TPD52: variants seen among roughly 807,000 people sequenced by gnomAD.
The protein encoded by TPD52 is tumor protein D52.
Under a neutral mutation model 31.3 loss-of-function variants are expected in TPD52, and 17 were observed. The ratio of observed to expected loss-of-function variants is 0.54; its 90% confidence interval spans 0.37 to 0.82. The LOEUF (loss-of-function observed/expected upper bound fraction) is 0.82, where lower values mean the gene tolerates loss of function less well. TPD52 is among the 40% of genes least tolerant of loss of function. The pLI is 0.00. For synonymous variants in TPD52, 83 were observed against 89.6 expected (o/e 0.93, Z 0.42); for missense variants, 212 against 240.1 (o/e 0.88, Z 0.77).
intron 1 of TPD52, among the ~76,000 whole-genome samples, chr8:80,094,734 T>C (rs1338757333): frequency 2.0e-5 from 3 of 150,848 alleles, no homozygotes; most frequent in Non-Finnish European, 2.9e-5. Flanking sequence ...ACAAATTATA[T>C]CTTATATACA....
chr8:80,138,961 T>G (rs575580060), intron 1 of TPD52, among the ~76,000 whole-genome samples: 2 of 152,132 alleles, frequency 1.3e-5, no homozygotes, highest in Non-Finnish European at 2.9e-5. Context: ...ACCCAGAGCC[T>G]CTCCTGCTAG....
At chr8:80,103,196 G>A (rs1399676078) in intron 1 of TPD52, among the ~76,000 whole-genome samples, 1 of 152,094 alleles carries the variant, frequency 6.6e-6, no homozygotes, top group South Asian at 2.1e-4. Flanking sequence ...TACAGGCAAT[G>A]TTAAAAAAAA....
At position 80,115,468 on chromosome 8, in the gene TPD52, T is replaced by G. The variant is rs537336036; in HGVS notation, c.20-50875A>C. 1.2e-4 allele frequency among the ~76,000 whole-genome samples: 18 copies of G among 151,412 alleles called. No individual in the cohort carries two copies. In the South Asian group the frequency reaches 3.8e-3, roughly 32 times the overall value. On this transcript the variant is annotated intron_variant, in intron 1 of 7. Coordinates refer to ENST00000518937, the MANE Select transcript of TPD52 (RefSeq NM_001025253.3). ...TTCAATAAACAAGAAAGATCAAGAG[T>G]CATACAAGCGGCGGAAAAGGCAGCA...
chr8:80,053,250 C>A (rs763654367), intron 3 of TPD52, 32 bp downstream of exon 3: 3 of 1,608,672 alleles, frequency 1.9e-6, no homozygotes, highest in Admixed American at 3.3e-5. Context: ...CCTTTACACT[C>A]CCAAGGAAAG....
In TPD52 at chr8:80,049,755, A is replaced by C. The variant is rs1811182516; in HGVS notation, c.413+690T>G. 2.0e-5 allele frequency among the ~76,000 whole-genome samples: 3 copies of C among 152,168 alleles called. No homozygotes were observed. The South Asian group carries it at 6.2e-4, about 32-fold the overall frequency. On this transcript the variant is annotated intron_variant, in intron 5 of 7. Transcript: ENST00000518937. ...CAACATCACAAAGTCTCTTTCTATA[A>C]GGCATGGTTTGAGCTAACATCTTTT...
chr8:80,147,825 TACAC>T (rs950674897), intron 1 of TPD52, among the ~76,000 whole-genome samples: 1 of 150,220 alleles, frequency 6.7e-6, no homozygotes, highest in East Asian at 1.9e-4. Context: ...CACACATACA[TACAC>T]ACACACACGC....
intron 1 of TPD52, among the ~76,000 whole-genome samples, chr8:80,089,760 C>T (rs1275518635): frequency 1.3e-5 from 2 of 152,198 alleles, no homozygotes; most frequent in Non-Finnish European, 2.9e-5. Flanking sequence ...AAGTTTTTCC[C>T]TACCCTTATC....
chr8:80,042,812 C>A, intron 6 of TPD52, 144 bp from the exon 7 acceptor site: 1 of 619,736 alleles, frequency 1.6e-6, no homozygotes, highest in Middle Eastern at 4.5e-4. Flanking sequence ...TGTGCAGGTA[C>A]ATACAAGTAT....
chr8:80,148,568 A>G (rs915410109), intron 1 of TPD52, among the ~76,000 whole-genome samples: 2 of 152,202 alleles, frequency 1.3e-5, no homozygotes, highest in Non-Finnish European at 2.9e-5. Context: ...AATATCTAAA[A>G]CAGCCTTTTT....
chr8:80,107,045 G>A (rs1449098423), intron 1 of TPD52, among the ~76,000 whole-genome samples: 1 of 151,938 alleles, frequency 6.6e-6, no homozygotes, highest in East Asian at 1.9e-4. Flanking sequence ...TAGATACGGG[G>A]TTTCACCATG....
chr8:80,109,954 T>C (rs1426143), intron 1 of TPD52, among the ~76,000 whole-genome samples: 67,529 of 151,856 alleles, frequency 0.44, 15,496 homozygotes, highest in East Asian at 0.79. Flanking sequence ...TGGAGATGTA[T>C]ACCTGATACA....
At chr8:80,113,626 C>G (rs1443877522) in intron 1 of TPD52, among the ~76,000 whole-genome samples, 1 of 152,060 alleles carries the variant, frequency 6.6e-6, no homozygotes, top group African/African-American at 2.4e-5. Context: ...CTGTCATTCA[C>G]AGCAATATGG....
In TPD52 at chr8:80,043,569, A is replaced by C. The variant is rs553314044; in HGVS notation, c.455+598T>G. Among the ~76,000 whole-genome samples the C allele has an allele frequency of 3.9e-5, 6 of 152,242 alleles. No individual in the cohort carries two copies. The East Asian group carries it at 7.7e-4, about 20-fold the overall frequency. On this transcript the variant is annotated intron_variant, in intron 6 of 7. Transcript: ENST00000518937. ...TAAGCAATGCCAATTTTCAGGTCCC[A>C]CCCCAACTCTACAGGATCAGAGGCT...
intron 1 of TPD52, among the ~76,000 whole-genome samples, chr8:80,071,380 T>C (rs1813760649): frequency 1.3e-5 from 2 of 152,174 alleles, no homozygotes; most frequent in Admixed American, 6.5e-5. Flanking sequence ...CCAGGTTCCA[T>C]GCCCTATAAC....
intron 2 of TPD52, among the ~76,000 whole-genome samples, chr8:80,063,652 C>T (rs1475803890): frequency 6.6e-6 from 1 of 151,822 alleles, no homozygotes; most frequent in Non-Finnish European, 1.5e-5. Context: ...CAAAAATTAG[C>T]TGAGCACAGT....
intron 1 of TPD52, among the ~76,000 whole-genome samples, chr8:80,093,406 C>T (rs1816442828): frequency 6.6e-6 from 1 of 152,054 alleles, no homozygotes; most frequent in African/African-American, 2.4e-5. Context: ...CTGTCACAAC[C>T]CTAAAAGGAA....
At chr8:80,084,630 C>G (rs982281483) in intron 1 of TPD52, among the ~76,000 whole-genome samples, 1 of 152,212 alleles carries the variant, frequency 6.6e-6, no homozygotes, top group African/African-American at 2.4e-5. Flanking sequence ...TTTTGTTCTG[C>G]TCCACTTGTG....
chr8:80,125,813 C>A (rs1021580346), intron 1 of TPD52, among the ~76,000 whole-genome samples: 1 of 152,138 alleles, frequency 6.6e-6, no homozygotes, highest in African/African-American at 2.4e-5. Context: ...AACTATTAAA[C>A]CTTGTCAGTC....
intron 1 of TPD52, among the ~76,000 whole-genome samples, chr8:80,152,861 A>G (rs1810680751): frequency 6.6e-6 from 1 of 151,454 alleles, no homozygotes; most frequent in South Asian, 2.1e-4. Context: ...CCTGCCAAAG[A>G]CAGCCTATGT....
Sources: allele counts gnomAD v4.1 joint callset (sites outside exome capture counted in the v4.1 genomes callset), GRCh38; gene constraint gnomAD v4.1.1; transcripts MANE v1.5; gene names NCBI Gene and HGNC (gene_info 2026-07-23, HGNC 2026-07-21).